Variants in GRIK4 observed in about 807,000 individuals in gnomAD.
GRIK4 encodes the protein glutamate receptor ionotropic, kainate 4.
In GRIK4, 40 loss-of-function variants were observed where a neutral mutation model predicts 104.9. The observed-to-expected ratio is 0.38, with a 90% confidence interval of 0.30 to 0.50. The LOEUF is 0.50. Ranked by LOEUF, GRIK4 falls within the 20% of genes least tolerant of loss-of-function variation. The pLI, the probability that GRIK4 is intolerant of heterozygous loss-of-function variation, is 0.93. For missense variants in GRIK4, 1,047 were observed against 1,308.1 expected, an observed-to-expected ratio of 0.80 and a Z score of 3.08; for synonymous variants, 485 against 524.9, an observed-to-expected ratio of 0.92 and a Z score of 1.04.
chr11:120,899,334 T>A, intron 12 of GRIK4, among the ~76,000 whole-genome samples: 1 of 146,204 alleles, frequency 6.8e-6, no homozygotes, highest in African/African-American at 2.6e-5. Context: ...GGCACGAGAA[T>A]CACTTTAACC....
intron 3 of GRIK4, among the ~76,000 whole-genome samples, chr11:120,800,469 G>C (rs1210534109): frequency 2.0e-5 from 3 of 152,164 alleles, no homozygotes; most frequent in Admixed American, 6.5e-5. Context: ...GCAGGTGGGG[G>C]TGTGGGGGTG....
chr11:120,652,282 T>C (rs1047735661), intron 1 of GRIK4, among the ~76,000 whole-genome samples: 2 of 152,206 alleles, frequency 1.3e-5, no homozygotes, highest in Non-Finnish European at 2.9e-5. Flanking sequence ...TCTAATTCCC[T>C]CATTTTACAG....
intron 6 of GRIK4, among the ~76,000 whole-genome samples, chr11:120,829,288 A>G (rs749122247): frequency 3.9e-5 from 6 of 152,158 alleles, no homozygotes; most frequent in Non-Finnish European, 8.8e-5. Context: ...ACCTTTGTCC[A>G]GGTAGGAGTT....
chr11:120,602,953 G>T (rs1265478103), intron 1 of GRIK4, among the ~76,000 whole-genome samples: 1 of 152,112 alleles, frequency 6.6e-6, no homozygotes, highest in Non-Finnish European at 1.5e-5. Context: ...TCTTCCTGCC[G>T]CAGCCTCCCA....
chr11:120,744,753 T>C (rs117215426), intron 3 of GRIK4, among the ~76,000 whole-genome samples: 3,674 of 152,318 alleles, frequency 0.024, 61 homozygotes, highest in Non-Finnish European at 0.039. Flanking sequence ...ATGTAGAATA[T>C]TAATGGAATC....
At chr11:120,639,194 CAAAAAAT>C (rs545465095) in intron 1 of GRIK4, among the ~76,000 whole-genome samples, 49 of 151,694 alleles carry the variant, frequency 3.2e-4, no homozygotes, top group African/African-American at 4.8e-4. Context: ...AACTCCATCT[CAAAAAAT>C]AAAAAATAAA....
intron 5 of GRIK4, among the ~76,000 whole-genome samples, chr11:120,816,685 T>A (rs1235309621): frequency 6.6e-6 from 1 of 152,094 alleles, no homozygotes; most frequent in Non-Finnish European, 1.5e-5. Flanking sequence ...CCCTGACGCT[T>A]TGGGCAGAAG....
intron 3 of GRIK4, among the ~76,000 whole-genome samples, chr11:120,719,219 A>C (rs567340845): frequency 6.6e-6 from 1 of 152,336 alleles, no homozygotes; most frequent in South Asian, 2.1e-4. Context: ...TGCTTGGGTG[A>C]GTCCTTCATT....
intron 11 of GRIK4, among the ~76,000 whole-genome samples, chr11:120,889,281 T>C (rs1291706498): frequency 6.6e-6 from 1 of 152,212 alleles, no homozygotes; most frequent in Non-Finnish European, 1.5e-5. Flanking sequence ...TTAGTTGGTT[T>C]TATTTCAAAT....
At chr11:120,935,943 T>C (rs1018213319) in intron 13 of GRIK4, among the ~76,000 whole-genome samples, 1 of 152,174 alleles carries the variant, frequency 6.6e-6, no homozygotes, top group Non-Finnish European at 1.5e-5. Context: ...ACATTTTACT[T>C]ATTTTCTTCA....
At position 120,660,325 on chromosome 11, in the gene GRIK4, C is replaced by G. The variant is rs150199548; in HGVS notation, c.7C>G (p.Arg3Gly). The G allele has an allele frequency of 1.9e-6, 3 of 1,612,452 alleles. No homozygotes were observed. The highest frequency in any genetic ancestry group is 1.7e-5 in the Admixed American group (1 of 60,026). The change falls in exon 3 of 21, where the codon CGC becomes GGC. Residue 3 changes from arginine to glycine, a missense_variant. By Grantham distance (125) the Arg-to-Gly change is moderately radical. This residue lies in a region of GRIK4 where 447 missense variants were observed against 514.9 expected (regional missense o/e 0.87). Coordinates refer to ENST00000527524, the MANE Select transcript of GRIK4 (RefSeq NM_014619.5). Reference protein sequence around the residue: MPRVSAPLVLLPA... With the variant: MPGVSAPLVLLPA... Reference sequence around the variant, plus strand: ...CCATGAGGATTCATAGAAGATGCCCCGCGTCTCGGCGCCTTTGGTGCTGCT... The same window carrying G: ...CCATGAGGATTCATAGAAGATGCCCGGCGTCTCGGCGCCTTTGGTGCTGCT...
intron 1 of GRIK4, among the ~76,000 whole-genome samples, chr11:120,522,554 C>G (rs902160988): frequency 1.3e-5 from 2 of 152,154 alleles, no homozygotes; most frequent in African/African-American, 4.8e-5. Context: ...CCCCTGACCT[C>G]AGGTGATCCG....
At chr11:120,871,101 A>G (rs368917258) in intron 9 of GRIK4, 1 of 155,782 alleles carries the variant, frequency 6.4e-6, no homozygotes, top group South Asian at 2.0e-4. Flanking sequence ...CGATTTTGGG[A>G]ATCTGAGAAT....
At chr11:120,619,949 C>T (rs1022716890) in intron 1 of GRIK4, 14 of 404,792 alleles carry the variant, frequency 3.5e-5, no homozygotes, top group South Asian at 2.1e-4. Flanking sequence ...CTAGGAAGTT[C>T]GCAGCCACCA....
chr11:120,674,432 T>C (rs1438851281), intron 3 of GRIK4, among the ~76,000 whole-genome samples: 1 of 152,194 alleles, frequency 6.6e-6, no homozygotes, highest in African/African-American at 2.4e-5. Context: ...TGGCTCTTCA[T>C]AGGTTGGGCT....
intron 19 of GRIK4, among the ~76,000 whole-genome samples, chr11:120,972,311 C>A (rs1449101096): frequency 1.3e-5 from 2 of 152,118 alleles, no homozygotes; most frequent in Non-Finnish European, 2.9e-5. Context: ...GAGCTCTTGG[C>A]GGCATTCATG....
intron 2 of GRIK4, among the ~76,000 whole-genome samples, chr11:120,659,380 C>G (rs1253662866): frequency 2.0e-5 from 3 of 152,166 alleles, no homozygotes; most frequent in Non-Finnish European, 4.4e-5. Context: ...AGGAATGGAC[C>G]GCTCCCATCT....
intron 1 of GRIK4, among the ~76,000 whole-genome samples, chr11:120,546,320 G>C (rs916708193): frequency 2.6e-5 from 4 of 152,164 alleles, no homozygotes; most frequent in African/African-American, 9.7e-5. Flanking sequence ...GCACCTTGAG[G>C]GAGATGGGCC....
At chr11:120,817,890 G>A (rs4936553) in intron 5 of GRIK4, among the ~76,000 whole-genome samples, 41,938 of 152,100 alleles carry the variant, frequency 0.28, 6,667 homozygotes, top group East Asian at 0.42. Flanking sequence ...AGAGCCTTGC[G>A]CAAGCACTTA....
Sources: allele counts gnomAD v4.1 joint callset (sites outside exome capture counted in the v4.1 genomes callset), GRCh38; gene constraint gnomAD v4.1.1; regional missense constraint gnomAD v4.1.1; transcripts MANE v1.5; gene names NCBI Gene and HGNC (gene_info 2026-07-23, HGNC 2026-07-21).